Variants in CNTLN observed in about 807,000 individuals in gnomAD.
CNTLN encodes the protein centlein, centrosomal protein.
CNTLN carries 212 observed loss-of-function variants against 180.0 expected under a neutral mutation model. The observed-to-expected ratio is 1.18, with a 90% CI of 1.05 to 1.32. The LOEUF (loss-of-function observed/expected upper bound fraction) is 1.32, where lower values mean the gene tolerates loss of function less well. Ranked by LOEUF, CNTLN falls within the 40% of genes most tolerant of loss-of-function variation. The probability of loss-of-function intolerance (pLI) is 0.00; values close to 1 mark genes in which losing one functional copy is unlikely to be tolerated. For synonymous variants in CNTLN, 722 were observed against 563.1 expected (o/e 1.28, Z -3.99); for missense variants, 2,095 against 1,610.9 (o/e 1.30, Z -5.14).
chr9:17,243,223 G>T (rs1202490003), intron 5 of CNTLN, among the ~76,000 whole-genome samples: 1 of 151,626 alleles, frequency 6.6e-6, no homozygotes, highest in Non-Finnish European at 1.5e-5. Flanking sequence ...CTTTTTTTCT[G>T]AGTTAATCTG....
intron 14 of CNTLN, among the ~76,000 whole-genome samples, chr9:17,394,061 A>G (rs1202160674): frequency 6.6e-6 from 1 of 152,146 alleles, no homozygotes; most frequent in African/African-American, 2.4e-5. Context: ...GACTACTAAA[A>G]TTACATTTTT....
chr9:17,306,903 T>C (rs1298483105), intron 7 of CNTLN, among the ~76,000 whole-genome samples: 1 of 152,184 alleles, frequency 6.6e-6, no homozygotes, highest in Non-Finnish European at 1.5e-5. Flanking sequence ...CCGTCACTCA[T>C]CATAGCTTCA....
intron 7 of CNTLN, among the ~76,000 whole-genome samples, chr9:17,304,545 GTTAAA>G (rs753953482): frequency 2.3e-4 from 35 of 152,098 alleles, no homozygotes; most frequent in Non-Finnish European, 4.4e-4. Flanking sequence ...TAAATTACAT[GTTAAA>G]TTAGTGTTGT....
At chr9:17,162,632 G>A (rs1819763624) in intron 2 of CNTLN, among the ~76,000 whole-genome samples, 1 of 152,178 alleles carries the variant, frequency 6.6e-6, no homozygotes, top group African/African-American at 2.4e-5. Context: ...CATATAGGTG[G>A]TATAATTAAT....
At position 17,366,413 on chromosome 9, in the gene CNTLN, G is replaced by C. The variant is rs117900428; in HGVS notation, c.1887-204G>C. Among the ~76,000 whole-genome samples the C allele has an allele frequency of 1.2e-3, 177 of 152,116 alleles. No homozygotes were observed. The East Asian group carries it at 0.033, about 28-fold the overall frequency. ...CTTGCCTTGGCTTTCTAAAATGCTGGAATTGTAGGTATGAGCCACCATGCC... is the reference window on the plus strand; with the variant it reads ...CTTGCCTTGGCTTTCTAAAATGCTGCAATTGTAGGTATGAGCCACCATGCC... On this transcript the variant is annotated intron_variant, in intron 12 of 25. Coordinates refer to ENST00000380647, the MANE Select transcript of CNTLN (RefSeq NM_017738.4).
At chr9:17,305,021 G>C (rs1339592780) in intron 7 of CNTLN, among the ~76,000 whole-genome samples, 2 of 151,962 alleles carry the variant, frequency 1.3e-5, no homozygotes, top group Admixed American at 6.6e-5. Context: ...AGTATCAGTG[G>C]ATAACAGAGC....
intron 18 of CNTLN, 63 bp from the exon 19 acceptor site, chr9:17,457,461 G>T: frequency 2.3e-6 from 2 of 887,004 alleles, no homozygotes; most frequent in South Asian, 3.7e-5. Flanking sequence ...GCTGATAATT[G>T]TTAGATTAAA....
At chr9:17,375,602 GT>G (rs1195113350) in intron 13 of CNTLN, among the ~76,000 whole-genome samples, 1 of 151,976 alleles carries the variant, frequency 6.6e-6, no homozygotes, top group Non-Finnish European at 1.5e-5. Context: ...TCCTAGTTTT[GT>G]TTGTTTACAG....
At chr9:17,384,241 T>G (rs1050706256) in intron 13 of CNTLN, among the ~76,000 whole-genome samples, 2 of 151,466 alleles carry the variant, frequency 1.3e-5, no homozygotes, top group Non-Finnish European at 2.9e-5. Context: ...CATTTTATTT[T>G]TAAGGCAAGG....
chr9:17,511,316 G>C, the CNTLN span, among the ~76,000 whole-genome samples: 4 of 152,156 alleles, frequency 2.6e-5, no homozygotes, highest in Non-Finnish European at 5.9e-5. Context: ...CTTTGAAAAA[G>C]CAGGTGTCAT....
At chr9:17,167,412 A>G (rs1165424072) in intron 2 of CNTLN, 1 of 152,290 alleles carries the variant, frequency 6.6e-6, no homozygotes, top group Admixed American at 6.5e-5. Flanking sequence ...TTTTCTTTTG[A>G]GATCCACACA....
At chr9:17,245,798 T>G (rs1825766840) in intron 5 of CNTLN, among the ~76,000 whole-genome samples, 1 of 151,978 alleles carries the variant, frequency 6.6e-6, no homozygotes, top group African/African-American at 2.4e-5. Context: ...TAACTAGTTC[T>G]TCTGCTTGAT....
chr9:17,161,221 T>G (rs1010505446), intron 2 of CNTLN, among the ~76,000 whole-genome samples: 3 of 152,110 alleles, frequency 2.0e-5, no homozygotes, highest in African/African-American at 7.2e-5. Flanking sequence ...CTTATAAATT[T>G]GTAGAAAATA....
chr9:17,329,942 A>C (rs1432978305), intron 8 of CNTLN, among the ~76,000 whole-genome samples: 1 of 151,902 alleles, frequency 6.6e-6, no homozygotes, highest in Non-Finnish European at 1.5e-5. Flanking sequence ...GAAACAGCGA[A>C]TTTGCATGGG....
chr9:17,452,227 C>G lies in CNTLN; in HGVS notation c.3115-5297C>G, dbSNP rs182126305. 4.1e-4 allele frequency among the ~76,000 whole-genome samples: 62 copies of G among 152,148 alleles called. No homozygotes were observed. The East Asian group carries it at 0.011, about 27-fold the overall frequency. On this transcript the variant is annotated intron_variant, in intron 18 of 25. Coordinates refer to ENST00000380647, the MANE Select transcript of CNTLN (RefSeq NM_017738.4). ...GGGCCTGAAGAATATTTTCCAAGGG[C>G]CTTGTTTTATTTTTTCTGGTAGTTC...
intron 12 of CNTLN, among the ~76,000 whole-genome samples, chr9:17,362,378 A>C (rs1823468714): frequency 6.6e-6 from 1 of 152,128 alleles, no homozygotes; most frequent in African/African-American, 2.4e-5. Context: ...TCCTCCTATC[A>C]ATCTGTAATG....
downstream of CNTLN, among the ~76,000 whole-genome samples, chr9:17,508,028 A>G (rs1344827625): frequency 6.6e-6 from 1 of 152,180 alleles, no homozygotes; most frequent in Non-Finnish European, 1.5e-5. Context: ...CCTAGCGTGA[A>G]GGCCTCAGAG....
chr9:17,385,996 A>G (rs1701788451), intron 13 of CNTLN, among the ~76,000 whole-genome samples: 1 of 152,180 alleles, frequency 6.6e-6, no homozygotes, highest in South Asian at 2.1e-4. Flanking sequence ...AAAAATAGCA[A>G]TATTCTTTAG....
At chr9:17,197,207 T>A (rs1028672350) in intron 2 of CNTLN, among the ~76,000 whole-genome samples, 1 of 152,290 alleles carries the variant, frequency 6.6e-6, no homozygotes, top group African/African-American at 2.4e-5. Context: ...AATGGGGTAT[T>A]TATAGTTATT....
Sources: allele counts gnomAD v4.1 joint callset (sites outside exome capture counted in the v4.1 genomes callset), GRCh38; gene constraint gnomAD v4.1.1; transcripts MANE v1.5; gene names NCBI Gene and HGNC (gene_info 2026-07-23, HGNC 2026-07-21).